KIAA0040: variants seen among roughly 807,000 people sequenced by gnomAD.
KIAA0040 encodes uncharacterized protein KIAA0040.
Under a neutral mutation model 7.2 loss-of-function variants are expected in KIAA0040, and 10 were observed. The observed-to-expected ratio is 1.38, with a 90% CI of 0.85 to 2.34. The LOEUF (loss-of-function observed/expected upper bound fraction) is 2.34, where lower values mean the gene tolerates loss of function less well. Ranked by LOEUF, KIAA0040 falls within the 30% of genes most tolerant of loss-of-function variation. The probability of loss-of-function intolerance (pLI) is 0.00; values close to 1 mark genes in which losing one functional copy is unlikely to be tolerated. For synonymous variants in KIAA0040, 49 were observed against 40.1 expected, an observed-to-expected ratio of 1.22 and a Z score of -0.84; for missense variants, 89 against 108.2, an observed-to-expected ratio of 0.82 and a Z score of 0.79.
chr1:175,183,802 G>A (rs975589829), intron 1 of KIAA0040, among the ~76,000 whole-genome samples: 1 of 152,206 alleles, frequency 6.6e-6, no homozygotes, highest in African/African-American at 2.4e-5. Context: ...TGAGAGGGGC[G>A]GGGCTTGCAG....
intron 1 of KIAA0040, among the ~76,000 whole-genome samples, chr1:175,178,901 A>G (rs527485587): frequency 1.4e-4 from 21 of 151,392 alleles, no homozygotes; most frequent in South Asian, 6.4e-4. Flanking sequence ...AGAAAGTGAC[A>G]AAATGCAGGT....
chr1:175,180,799 C>CCCTT (rs1307199795), intron 1 of KIAA0040, among the ~76,000 whole-genome samples: 4 of 152,134 alleles, frequency 2.6e-5, no homozygotes, highest in Non-Finnish European at 5.9e-5. Context: ...AGTGAGACTA[C>CCCTT]CCTTGTTGGA....
chr1:175,189,663 C>A (rs550592465), intron 1 of KIAA0040, among the ~76,000 whole-genome samples: 1 of 152,092 alleles, frequency 6.6e-6, no homozygotes, highest in Non-Finnish European at 1.5e-5. Context: ...CTACACAGTC[C>A]GTCTAATTTT....
At chr1:175,174,549 A>C (rs1021078062) in intron 2 of KIAA0040, among the ~76,000 whole-genome samples, 1 of 152,202 alleles carries the variant, frequency 6.6e-6, no homozygotes, top group Non-Finnish European at 1.5e-5. Flanking sequence ...AGAACAGACA[A>C]GACATGTGGA....
Position 175,160,790 on chromosome 1 carries a change from T to TTCC in KIAA0040, c.223_224insGGA (p.Lys74_Lys75insArg). On this transcript the variant is annotated inframe_insertion, in exon 4 of 4. Coordinates refer to ENST00000423313, the MANE Select transcript of KIAA0040 (RefSeq NM_014656.3). ...AGAGATCCAGAGGTCTTCTTCATCC[T>TTCC]TCTTCTTCTTCTTCTTCTTCTTCTT... is the stretch of plus-strand genomic sequence containing the variant. 1 of 724,308 alleles carries TTCC rather than the reference T, an allele frequency of 1.4e-6. No individual in the cohort carries two copies. The highest frequency in any genetic ancestry group is 1.8e-5 in the South Asian group (1 of 55,538). 44.9% of individuals were successfully genotyped at this position (724,308 alleles called of 1,614,324 possible). A position where few individuals can be genotyped will look rare whatever the true frequency, so the allele number is the denominator to read the frequency against.
chr1:175,162,017 T>A (rs769641128), intron 3 of KIAA0040, among the ~76,000 whole-genome samples: 8 of 152,176 alleles, frequency 5.3e-5, no homozygotes, highest in Admixed American at 2.0e-4. Flanking sequence ...GGTGCCTCCC[T>A]GTTCCTGTTC....
chr1:175,175,811 G>A (rs1033359470), intron 2 of KIAA0040, among the ~76,000 whole-genome samples: 1 of 152,046 alleles, frequency 6.6e-6, no homozygotes. Context: ...TCACTCATAG[G>A]TGGGAATTGA....
At chr1:175,190,755 T>A (rs960527964) in intron 1 of KIAA0040, among the ~76,000 whole-genome samples, 1 of 152,180 alleles carries the variant, frequency 6.6e-6, no homozygotes, top group Non-Finnish European at 1.5e-5. Flanking sequence ...CCAGCCCCCA[T>A]CTGGCCAATA....
intron 2 of KIAA0040, among the ~76,000 whole-genome samples, chr1:175,170,151 C>T (rs912704684): frequency 6.6e-5 from 10 of 152,064 alleles, no homozygotes; most frequent in Non-Finnish European, 1.5e-4. Flanking sequence ...GTAGCAGCAA[C>T]ATTAAGGGTG....
intron 2 of KIAA0040, among the ~76,000 whole-genome samples, chr1:175,171,971 G>C (rs955987294): frequency 1.3e-5 from 2 of 152,156 alleles, no homozygotes. Flanking sequence ...GAAATAATTA[G>C]AGAATGATTT....
At chr1:175,188,117 A>G (rs1438196309) in intron 1 of KIAA0040, among the ~76,000 whole-genome samples, 2 of 152,202 alleles carry the variant, frequency 1.3e-5, no homozygotes, top group African/African-American at 2.4e-5. Flanking sequence ...TTTCTTAGTG[A>G]CAAACTCCAT....
rs1255074359 is a variant in KIAA0040, at chr1:175,192,755, A to C, written c.-499T>G. ...TGGGTTCCTTTTTGGTTGCCTCTGC[A>C]CTCCCACCCCGAGCCAGGTCTGGCG... On this transcript the variant is annotated 5_prime_UTR_variant, in exon 1 of 4. Transcript: ENST00000423313. 4 of 150,774 alleles carry C rather than the reference A, an allele frequency of 2.7e-5. No individual in the cohort carries two copies. Among genetic ancestry groups the C allele is most frequent in the African/African-American group, 7.3e-5 (3 of 40,824 alleles). 9.3% of individuals were successfully genotyped at this position (150,774 alleles called of 1,614,324 possible). A position where few individuals can be genotyped will look rare whatever the true frequency, so the allele number is the denominator to read the frequency against.
intron 2 of KIAA0040, among the ~76,000 whole-genome samples, chr1:175,167,101 C>T (rs892442689): frequency 1.3e-5 from 2 of 152,044 alleles, no homozygotes; most frequent in South Asian, 4.1e-4. Context: ...CCCCACGATG[C>T]TATGAAAGGG....
rs116405433 is a variant in KIAA0040 at position 175,188,282 on chromosome 1, C to A, written c.-384+4358G>T. Among the ~76,000 whole-genome samples, 202 of 152,276 alleles carry A rather than the reference C, an allele frequency of 1.3e-3. 1 individual carries two copies. Among genetic ancestry groups the A allele is most frequent in the Middle Eastern group, 6.8e-3 (2 of 294 alleles). ...AACTTAGCTGCCCTTTCCTGGTCTC[C>A]ATTAAATGTCCACTCATGTCCCCAG... On this transcript the variant is annotated intron_variant, in intron 1 of 3. Transcript: ENST00000423313.
intron 2 of KIAA0040, among the ~76,000 whole-genome samples, chr1:175,172,960 C>A (rs1029075499): frequency 6.6e-6 from 1 of 152,188 alleles, no homozygotes; most frequent in Non-Finnish European, 1.5e-5. Context: ...GTGAAAACAT[C>A]CATTTGTGAA....
chr1:175,161,086 C>G lies in KIAA0040; in HGVS notation c.-73G>C, dbSNP rs1676524407. The G allele has an allele frequency of 7.4e-7, 1 of 1,343,242 alleles. No homozygotes were observed. The allele number at this position is 1,343,242 out of a possible 1,614,324, so 83.2% of individuals were successfully genotyped here. ...GGTCCTGGGCTCAAAAGGATGCAAC[C>G]TTGACCACTTGTAATTTATTCCTCT... On this transcript the variant is annotated 5_prime_UTR_variant, in exon 4 of 4. Transcript: ENST00000423313.
rs1233166243 is a variant in KIAA0040 at position 175,157,076 on chromosome 1, T to G, written c.*3638A>C. 1 of 152,106 alleles carries G rather than the reference T, an allele frequency of 6.6e-6. No individual in the cohort carries two copies. The highest frequency in any genetic ancestry group is 1.9e-4 in the East Asian group (1 of 5,192). 9.4% of individuals were successfully genotyped at this position (152,106 alleles called of 1,614,324 possible). On this transcript the variant is annotated 3_prime_UTR_variant, in exon 4 of 4. Coordinates refer to ENST00000423313, the MANE Select transcript of KIAA0040 (RefSeq NM_014656.3). ...TACCATATTGAACCATATTGAACAG[T>G]GTACACACACTTACACACACACATA...
chr1:175,180,893 C>A (rs939699945), intron 1 of KIAA0040, among the ~76,000 whole-genome samples: 3 of 152,138 alleles, frequency 2.0e-5, no homozygotes, highest in African/African-American at 4.8e-5. Context: ...ACTCTGTCAC[C>A]CAGGCTAGTG....
intron 1 of KIAA0040, among the ~76,000 whole-genome samples, chr1:175,184,421 GTCT>G: frequency 6.6e-6 from 1 of 152,226 alleles, no homozygotes; most frequent in African/African-American, 2.4e-5. Flanking sequence ...CTCTTCCCTT[GTCT>G]TCTTCTCACA....
Sources: gnomAD v4.1 joint callset for allele counts (sites outside exome capture counted in the v4.1 genomes callset) on GRCh38, gnomAD v4.1.1 for gene constraint, MANE v1.5 for transcripts, NCBI Gene and HGNC (gene_info 2026-07-23, HGNC 2026-07-21) for gene names.